Variants in STAU2 observed in about 807,000 individuals in gnomAD.
STAU2 encodes the protein double-stranded RNA-binding protein Staufen homolog 2.
STAU2 carries 20 observed loss-of-function variants against 65.9 expected under a neutral mutation model. The observed-to-expected ratio is 0.30, with a 90% confidence interval of 0.21 to 0.44. The LOEUF is 0.44. Among genes scored for constraint, STAU2 ranks in the 20% least tolerant of loss-of-function variants. The pLI is 1.00. For synonymous variants in STAU2, 232 were observed against 233.9 expected (o/e 0.99, Z 0.07); for missense variants, 558 against 683.9 (o/e 0.82, Z 2.05).
chr8:73,455,663 A>C (rs1289416840), intron 13 of STAU2, among the ~76,000 whole-genome samples: 1 of 152,166 alleles, frequency 6.6e-6, no homozygotes, highest in Non-Finnish European at 1.5e-5. Flanking sequence ...TCTTCCTCTG[A>C]AAAACCACCG....
chr8:73,717,375 T>C (rs1821323520), intron 3 of STAU2, among the ~76,000 whole-genome samples: 1 of 152,232 alleles, frequency 6.6e-6, no homozygotes, highest in South Asian at 2.1e-4. Flanking sequence ...TCTCCTGTTT[T>C]CTTCCACGAA....
chr8:73,611,894 C>T (rs1314727517), intron 9 of STAU2, among the ~76,000 whole-genome samples: 1 of 152,128 alleles, frequency 6.6e-6, no homozygotes, highest in Non-Finnish European at 1.5e-5. Context: ...GTTGGCCATG[C>T]TGGTCTCGAA....
intron 3 of STAU2, among the ~76,000 whole-genome samples, chr8:73,717,446 C>A (rs375868321): frequency 4.6e-5 from 7 of 152,186 alleles, no homozygotes; most frequent in Middle Eastern, 3.2e-3. Flanking sequence ...TTTTCCTATA[C>A]AGCGCAAGGT....
chr8:73,707,846 G>A (rs1462343780), intron 4 of STAU2, among the ~76,000 whole-genome samples: 6 of 151,346 alleles, frequency 4.0e-5, no homozygotes, highest in Non-Finnish European at 8.8e-5. Flanking sequence ...GCCCAGTAGA[G>A]GAATCAGAGG....
At chr8:73,664,492 A>G (rs1041755807) in intron 6 of STAU2, among the ~76,000 whole-genome samples, 2 of 152,202 alleles carry the variant, frequency 1.3e-5, no homozygotes, top group Non-Finnish European at 2.9e-5. Flanking sequence ...TGCTGAGTCT[A>G]TATCATTAGT....
At position 73,621,944 on chromosome 8, in the gene STAU2, T is replaced by C. The variant is rs531276918; in HGVS notation, c.411-4493A>G. ...ATGCTTACTGCACAATGGTTAGGTC[T>C]TTCTCTCTTTTTTTTTTTTTTTTTT... On this transcript the variant is annotated intron_variant, in intron 6 of 14. Transcript: ENST00000524300. Among the ~76,000 whole-genome samples the C allele has an allele frequency of 6.7e-5, 10 of 149,710 alleles. No homozygotes were observed. The East Asian group carries it at 2.0e-3, about 30-fold the overall frequency.
chr8:73,691,990 T>C (rs757825159), intron 4 of STAU2, among the ~76,000 whole-genome samples: 1 of 152,122 alleles, frequency 6.6e-6, no homozygotes, highest in Non-Finnish European at 1.5e-5. Flanking sequence ...CCCCATCCCA[T>C]TCCTATCCAC....
intron 1 of STAU2, among the ~76,000 whole-genome samples, chr8:73,740,751 AG>A (rs1442034397): frequency 2.0e-5 from 3 of 152,108 alleles, no homozygotes; most frequent in African/African-American, 7.2e-5. Flanking sequence ...CTTGTAACTC[AG>A]CACTCCGGGA....
At chr8:73,694,580 C>T (rs1365041406) in intron 4 of STAU2, among the ~76,000 whole-genome samples, 1 of 152,112 alleles carries the variant, frequency 6.6e-6, no homozygotes, top group African/African-American at 2.4e-5. Context: ...CATTCATCAC[C>T]CCCAGTGGAA....
chr8:73,603,965 A>C, intron 9 of STAU2, 102 bp from the exon 10 acceptor site: 2 of 1,217,912 alleles, frequency 1.6e-6, no homozygotes, highest in Non-Finnish European at 2.2e-6. Flanking sequence ...ACACCCCAAA[A>C]CTGTGACTAG....
chr8:73,685,371 CT>C (rs887119948), intron 5 of STAU2, among the ~76,000 whole-genome samples: 10 of 149,800 alleles, frequency 6.7e-5, no homozygotes, highest in South Asian at 2.1e-4. Flanking sequence ...AAAAGAAACA[CT>C]TTTTTTTTCT....
At chr8:73,714,033 A>T (rs554525016) in intron 3 of STAU2, among the ~76,000 whole-genome samples, 2 of 152,128 alleles carry the variant, frequency 1.3e-5, no homozygotes, top group Admixed American at 1.3e-4. Flanking sequence ...CCTCCCGAGT[A>T]GCTGGAATTA....
chr8:73,514,440 T>C (rs1222528740), intron 13 of STAU2, among the ~76,000 whole-genome samples: 2 of 152,230 alleles, frequency 1.3e-5, no homozygotes, highest in East Asian at 1.9e-4. Flanking sequence ...CTTTCAAGAA[T>C]GTATTCAACT....
At chr8:73,661,616 ACAAT>A (rs1816840158) in intron 6 of STAU2, among the ~76,000 whole-genome samples, 1 of 152,274 alleles carries the variant, frequency 6.6e-6, no homozygotes, top group African/African-American at 2.4e-5. Flanking sequence ...CCAAATCTAG[ACAAT>A]CAAAGAACCT....
intron 13 of STAU2, among the ~76,000 whole-genome samples, chr8:73,459,180 T>C (rs766901183): frequency 2.0e-4 from 31 of 152,288 alleles, no homozygotes; most frequent in Admixed American, 4.6e-4. Context: ...ATTACTAAGG[T>C]AAATGCAGAG....
chr8:73,637,476 G>GA (rs1814615511), intron 6 of STAU2, among the ~76,000 whole-genome samples: 1 of 3,014 alleles, frequency 3.3e-4, no homozygotes. Flanking sequence ...AGTGCTGAAA[G>GA]TAAAAAAAAA....
chr8:73,665,896 G>T (rs942640234), intron 6 of STAU2, among the ~76,000 whole-genome samples: 19 of 152,124 alleles, frequency 1.2e-4, no homozygotes, highest in African/African-American at 3.9e-4. Flanking sequence ...TATACATTAA[G>T]TCATCTCTAG....
intron 6 of STAU2, among the ~76,000 whole-genome samples, chr8:73,625,454 G>A (rs773313722): frequency 6.6e-6 from 1 of 152,156 alleles, no homozygotes; most frequent in Non-Finnish European, 1.5e-5. Flanking sequence ...AGATACAAAA[G>A]AGTATATACT....
rs1396350817 is a variant in STAU2 at position 73,617,574 on chromosome 8, TC to T, written c.411-124del. On this transcript the variant is annotated intron_variant, in intron 6 of 14. Coordinates refer to ENST00000524300, the MANE Select transcript of STAU2 (RefSeq NM_001164380.2). ...CTATACTCTTAATAAAACTTTAACCTCAAAAACATACTTTTTTGATAAAATG... is the reference window on the plus strand; with the variant it reads ...CTATACTCTTAATAAAACTTTAACCTAAAAACATACTTTTTTGATAAAATG... 3.2e-6 allele frequency: 3 copies of T among 924,380 alleles called. No individual in the cohort carries two copies. The East Asian group carries it at 7.8e-5, about 24-fold the overall frequency. 57.3% of individuals were successfully genotyped at this position (924,380 alleles called of 1,614,324 possible).
Sources: gnomAD v4.1 joint callset for allele counts (sites outside exome capture counted in the v4.1 genomes callset) on GRCh38, gnomAD v4.1.1 for gene constraint, MANE v1.5 for transcripts, NCBI Gene and HGNC (gene_info 2026-07-23, HGNC 2026-07-21) for gene names.